GALNT18: variants seen among roughly 807,000 people sequenced by gnomAD.
The protein encoded by GALNT18 is GalNAc-transferase 18.
In GALNT18, 44 loss-of-function variants were observed where a neutral mutation model predicts 69.5. The ratio of observed to expected loss-of-function variants is 0.63; its 90% CI spans 0.50 to 0.81. The LOEUF (loss-of-function observed/expected upper bound fraction) is 0.81, where lower values mean the gene tolerates loss of function less well. GALNT18 is among the 40% of genes least tolerant of loss of function. GALNT18 has a pLI of 0.00. For missense variants in GALNT18, 715 were observed against 810.0 expected (o/e 0.88, Z 1.42); for synonymous variants, 364 against 318.2 (o/e 1.14, Z -1.53).
At chr11:11,607,056 G>A (rs1859774595) in intron 1 of GALNT18, among the ~76,000 whole-genome samples, 1 of 152,228 alleles carries the variant, frequency 6.6e-6, no homozygotes, top group Admixed American at 6.5e-5. Context: ...GAAAGAGAAA[G>A]CAACTGCACT....
At chr11:11,400,984 T>C (rs1261831325) in intron 3 of GALNT18, among the ~76,000 whole-genome samples, 1 of 152,116 alleles carries the variant, frequency 6.6e-6, no homozygotes, top group African/African-American at 2.4e-5. Context: ...ACATCTTCAA[T>C]GGCTGAGGGT....
At chr11:11,331,423 A>G (rs1026657078) in intron 8 of GALNT18, among the ~76,000 whole-genome samples, 2 of 152,124 alleles carry the variant, frequency 1.3e-5, no homozygotes, top group South Asian at 2.1e-4. Flanking sequence ...TAGGATGTAT[A>G]TGATATAAGA....
intron 1 of GALNT18, among the ~76,000 whole-genome samples, chr11:11,524,532 C>G (rs901859129): frequency 4.6e-4 from 70 of 152,194 alleles, no homozygotes; most frequent in African/African-American, 1.7e-3. Flanking sequence ...TATGGAGGCT[C>G]TCACTTTCGT....
intron 1 of GALNT18, among the ~76,000 whole-genome samples, chr11:11,455,782 C>A (rs1031361027): frequency 2.6e-5 from 4 of 152,120 alleles, no homozygotes; most frequent in Non-Finnish European, 5.9e-5. Context: ...TGGTAAGCAT[C>A]ACAAAAAGGT....
In GALNT18 at chr11:11,505,014, C is replaced by T. The variant is rs1857044027; in HGVS notation, c.236-56078G>A. Among the ~76,000 whole-genome samples the T allele has an allele frequency of 6.6e-6, 1 of 152,162 alleles. No homozygotes were observed. Among genetic ancestry groups the T allele is most frequent in the Non-Finnish European group, 1.5e-5 (1 of 68,030 alleles). ...CAAGCACATAAACACACAACTGCAA[C>T]ATCAAAGTGTTGGAAGCGCTAGAAC... is the stretch of plus-strand genomic sequence containing the variant. On this transcript the variant is annotated intron_variant, in intron 1 of 10. Coordinates refer to ENST00000227756, the MANE Select transcript of GALNT18 (RefSeq NM_198516.3). The surrounding 1 kb of genome is among the most constrained non-coding windows in gnomAD (Gnocchi z 4.6).
Position 11,383,643 on chromosome 11 carries a change from C to G in GALNT18, c.596-4379G>C, listed in dbSNP as rs1440955418. Among the ~76,000 whole-genome samples, 1 of 152,134 alleles carries G rather than the reference C, an allele frequency of 6.6e-6. No homozygotes were observed. The highest frequency in any genetic ancestry group is 1.5e-5 in the Non-Finnish European group (1 of 68,022). ...CCCATTCATTCATTCATTCATTCAACAAATATTGAACACTTACTGATATGA... is the reference window on the plus strand; with the variant it reads ...CCCATTCATTCATTCATTCATTCAAGAAATATTGAACACTTACTGATATGA... On this transcript the variant is annotated intron_variant, in intron 3 of 10. Transcript: ENST00000227756. The surrounding 1 kb of genome is among the most constrained non-coding windows in gnomAD (Gnocchi z 5.2).
At position 11,353,262 on chromosome 11, in the gene GALNT18, C is replaced by G. The variant is rs914509733; in HGVS notation, c.1093-12258G>C. 4 of 964,510 alleles carry G rather than the reference C, an allele frequency of 4.1e-6. No individual in the cohort carries two copies. In the African/African-American group the frequency reaches 6.6e-5, roughly 16 times the overall value. The allele number at this position is 964,510 out of a possible 1,614,324, so 59.7% of individuals were successfully genotyped here. A position where few individuals can be genotyped will look rare whatever the true frequency, so the allele number is the denominator to read the frequency against. ...GGAAGCGGCAGCGGCTGTGGCCGCTCTCCCTTCTGCTCACACAGACAATAT... is the reference window on the plus strand; with the variant it reads ...GGAAGCGGCAGCGGCTGTGGCCGCTGTCCCTTCTGCTCACACAGACAATAT... On this transcript the variant is annotated intron_variant, in intron 6 of 10. Transcript: ENST00000227756.
chr11:11,311,510 C>A (rs912845833), intron 9 of GALNT18, among the ~76,000 whole-genome samples: 8 of 152,142 alleles, frequency 5.3e-5, no homozygotes, highest in Non-Finnish European at 1.2e-4. Context: ...TCCTTGGGGT[C>A]TGAGGAGTTT....
At position 11,496,109 on chromosome 11, in the gene GALNT18, C is replaced by T. The variant is rs1856861458; in HGVS notation, c.236-47173G>A. Among the ~76,000 whole-genome samples the T allele has an allele frequency of 6.6e-6, 1 of 152,204 alleles. No individual in the cohort carries two copies. Among genetic ancestry groups the T allele is most frequent in the Admixed American group, 6.5e-5 (1 of 15,278 alleles). On this transcript the variant is annotated intron_variant, in intron 1 of 10. Coordinates refer to ENST00000227756, the MANE Select transcript of GALNT18 (RefSeq NM_198516.3). The surrounding 1 kb of genome is among the most constrained non-coding windows in gnomAD (Gnocchi z 4.0). The stretch of plus-strand genomic sequence containing the variant: ...CACAGCAAAGAATAAGAGCCAGGAG[C>T]TTCTTGTGTGTTTGTTGAATGAATG...
rs184968932 is a variant in GALNT18, at chr11:11,311,617, G to T, written c.1512+15469C>A. ...GCAGGAGAGACACTGATAGAAGGAG[G>T]TGTCCCCTGCTCCTTTCCAACCTAT... On this transcript the variant is annotated intron_variant, in intron 9 of 10. Coordinates refer to ENST00000227756, the MANE Select transcript of GALNT18 (RefSeq NM_198516.3). Among the ~76,000 whole-genome samples, 189 of 152,194 alleles carry T rather than the reference G, an allele frequency of 1.2e-3. 3 individuals are homozygous for T. The highest frequency in any genetic ancestry group is 4.3e-3 in the African/African-American group (178 of 41,516).
chr11:11,347,558 T>C lies in GALNT18; in HGVS notation c.1093-6554A>G, dbSNP rs1872797. Among the ~76,000 whole-genome samples the C allele has an allele frequency of 0.12, 17,783 of 152,216 alleles. 3,376 individuals carry two copies. The highest frequency in any genetic ancestry group is 0.4 in the African/African-American group (16,558 of 41,488). ...GTTGGTGGCACTTCAGCCTTGTACT[T>C]CATAGCCACATCCACAAGATCAGAT... On this transcript the variant is annotated intron_variant, in intron 6 of 10. Transcript: ENST00000227756. This position sits in a 1 kb window ranked among gnomAD's most constrained non-coding sequence, Gnocchi z 4.0.
intron 9 of GALNT18, among the ~76,000 whole-genome samples, chr11:11,304,687 C>T (rs1849550754): frequency 6.6e-6 from 1 of 152,142 alleles, no homozygotes. Context: ...TCCTGTATTC[C>T]CCTCCCTACT....
intron 9 of GALNT18, among the ~76,000 whole-genome samples, chr11:11,305,112 G>C (rs1296322263): frequency 1.3e-5 from 2 of 152,206 alleles, no homozygotes; most frequent in Non-Finnish European, 2.9e-5. Flanking sequence ...TGGAAAGATG[G>C]TGACCTCATC....
At chr11:11,420,839 T>A (rs910389116) in intron 3 of GALNT18, among the ~76,000 whole-genome samples, 2 of 152,116 alleles carry the variant, frequency 1.3e-5, no homozygotes, top group African/African-American at 4.8e-5. Flanking sequence ...CCCTCCTGAT[T>A]TACTCCCAAC....
intron 3 of GALNT18, among the ~76,000 whole-genome samples, chr11:11,391,766 C>T (rs184414496): frequency 8.5e-4 from 129 of 152,302 alleles, no homozygotes; most frequent in African/African-American, 2.9e-3. Flanking sequence ...TCCAAAACAT[C>T]CAGTCTGTCC....
chr11:11,521,551 C>T (rs1319045637), intron 1 of GALNT18, among the ~76,000 whole-genome samples: 3 of 152,130 alleles, frequency 2.0e-5, no homozygotes, highest in Non-Finnish European at 4.4e-5. Flanking sequence ...GATTACACCA[C>T]GGAAGAAACT....
At chr11:11,449,219 G>A (rs1855735722) in intron 1 of GALNT18, among the ~76,000 whole-genome samples, 2 of 152,208 alleles carry the variant, frequency 1.3e-5, no homozygotes, top group African/African-American at 2.4e-5. Context: ...ATGGCTTCAA[G>A]TCAGGACCCC....
intron 1 of GALNT18, among the ~76,000 whole-genome samples, chr11:11,498,012 C>T (rs1459433305): frequency 2.0e-5 from 3 of 151,756 alleles, no homozygotes; most frequent in African/African-American, 7.3e-5. Flanking sequence ...CCAAATTTGG[C>T]TTAAAATGAA....
At chr11:11,447,094 C>T (rs2133817178) in intron 2 of GALNT18, among the ~76,000 whole-genome samples, 2 of 152,306 alleles carry the variant, frequency 1.3e-5, no homozygotes, top group South Asian at 4.2e-4. Flanking sequence ...ACTACTGCCC[C>T]CTTACACACC....
Sources: allele counts gnomAD v4.1 joint callset (sites outside exome capture counted in the v4.1 genomes callset), GRCh38; gene constraint gnomAD v4.1.1; non-coding constraint Gnocchi (gnomAD v3.1); transcripts MANE v1.5; gene names NCBI Gene and HGNC (gene_info 2026-07-23, HGNC 2026-07-21).